DDTL: variants seen among roughly 807,000 people sequenced by gnomAD.
The protein encoded by DDTL is putative D-dopachrome decarboxylase-like protein.
DDTL carries 1 observed loss-of-function variant against 1.1 expected under a neutral mutation model. That is an observed-to-expected ratio of 0.91 (90% CI 0.32 to 4.31). The LOEUF (loss-of-function observed/expected upper bound fraction) is 4.31. Among genes scored for constraint, DDTL ranks in the 30% most tolerant of loss-of-function variants. DDTL has a pLI of 0.17. For missense variants in DDTL, 54 were observed against 48.9 expected (o/e 1.10, Z -0.31); for synonymous variants, 21 against 16.6 (o/e 1.26, Z -0.64).
In DDTL at chr22:23,971,598, C is replaced by T. The variant is rs2033903220; in HGVS notation, c.*192C>T. On this transcript the variant is annotated 3_prime_UTR_variant, in exon 3 of 3. Transcript: ENST00000215770. ...CCTATCTTGCCAATCTGCCAGGACT[C>T]CAAGGGGAAAAAGCGGATAAGTATC... 1.2e-6 allele frequency: 2 copies of T among 1,614,040 alleles called. No homozygotes were observed.
At chr22:23,969,718 C>T (rs1239188690) in intron 2 of DDTL, 2 of 966,194 alleles carry the variant, frequency 2.1e-6, no homozygotes, top group Admixed American at 1.3e-4. Flanking sequence ...ACATGGGAGG[C>T]TGAGGCAGAA....
rs2033910697 is a variant in DDTL, at chr22:23,971,838, A to T, written c.*432A>T. 1.7e-6 allele frequency: 1 copy of T among 578,170 alleles called. No individual in the cohort carries two copies. Among genetic ancestry groups the T allele is most frequent in the African/African-American group, 1.9e-5 (1 of 53,572 alleles). The allele number at this position is 578,170 out of a possible 1,614,324, so 35.8% of individuals were successfully genotyped here. On this transcript the variant is annotated 3_prime_UTR_variant, in exon 3 of 3. Transcript: ENST00000215770. ...GGGAGGTAGCCGCACATCATGACCC[A>T]GCTAGGACAGACACACAATACAGTA... is the stretch of plus-strand genomic sequence containing the variant.
At chr22:23,969,808 G>A (rs2033866128) in intron 2 of DDTL, 2 of 985,854 alleles carry the variant, frequency 2.0e-6, no homozygotes, top group Non-Finnish European at 2.4e-6. Flanking sequence ...GGCTGCCTTT[G>A]GATTGTTCCT....
chr22:23,969,357 A>C, intron 2 of DDTL: 1 of 985,494 alleles, frequency 1.0e-6, no homozygotes, highest in Non-Finnish European at 1.2e-6. Context: ...TGTCTGAGGT[A>C]CTGTGTCCTT....
chr22:23,971,228 G>C, intron 2 of DDTL, 58 bp from the exon 3 acceptor site: 3 of 1,552,736 alleles, frequency 1.9e-6, no homozygotes, highest in Non-Finnish European at 2.6e-6. Flanking sequence ...GGAGAGCAGA[G>C]CCTCCAGGCT....
At chr22:23,970,060 C>G (rs1352062154) in intron 2 of DDTL, among the ~76,000 whole-genome samples, 6 of 152,076 alleles carry the variant, frequency 3.9e-5, no homozygotes, top group South Asian at 2.1e-4. Flanking sequence ...GTGCTCTTGG[C>G]AGAGGGAAGG....
intron 2 of DDTL, chr22:23,969,211 G>A (rs1165950884): frequency 8.1e-6 from 8 of 985,298 alleles, no homozygotes; most frequent in Middle Eastern, 5.2e-4. Context: ...ATACTCCCCC[G>A]CCCTCAGCCA....
At chr22:23,971,124 G>A (rs2033892874) in intron 2 of DDTL, among the ~76,000 whole-genome samples, 162 bp from the exon 3 acceptor site, 1 of 152,178 alleles carries the variant, frequency 6.6e-6, no homozygotes, top group Non-Finnish European at 1.5e-5. Flanking sequence ...GTCCCATTTT[G>A]GGGCTGAGGA....
At chr22:23,970,490 A>G (rs564239014) in intron 2 of DDTL, among the ~76,000 whole-genome samples, 1 of 151,202 alleles carries the variant, frequency 6.6e-6, no homozygotes, top group African/African-American at 2.4e-5. Context: ...TGTGATGACT[A>G]TGAATGTCAG....
rs541378003 is a variant in DDTL, at chr22:23,969,456, A to C, written c.285-1830A>C. Reference sequence around the variant, plus strand: ...AGTGTGCAGCACACACGATGAGGCTACTGTGTTGAGTGTCTGTCCTAGGTG... The same window carrying C: ...AGTGTGCAGCACACACGATGAGGCTCCTGTGTTGAGTGTCTGTCCTAGGTG... On this transcript the variant is annotated intron_variant, in intron 2 of 2. Coordinates refer to ENST00000215770, the MANE Select transcript of DDTL (RefSeq NM_001084393.2). The C allele has an allele frequency of 1.5e-5, 15 of 986,242 alleles. No individual in the cohort carries two copies. The South Asian group carries it at 6.1e-4, about 40-fold the overall frequency. 61.1% of individuals were successfully genotyped at this position (986,242 alleles called of 1,614,324 possible).
Position 23,972,304 on chromosome 22 carries a change from T to G in DDTL, c.*898T>G, listed in dbSNP as rs2146210691. 1.2e-6 allele frequency: 1 copy of G among 824,576 alleles called. No homozygotes were observed. Among genetic ancestry groups the G allele is most frequent in the African/African-American group, 1.9e-5 (1 of 53,090 alleles). 51.1% of individuals were successfully genotyped at this position (824,576 alleles called of 1,614,324 possible). A position where few individuals can be genotyped will look rare whatever the true frequency, so the allele number is the denominator to read the frequency against. On this transcript the variant is annotated 3_prime_UTR_variant, in exon 3 of 3. Transcript: ENST00000215770. ...CACATGGTAAGTGTATAACACTTGT[T>G]GTTAGAGTAACAGTTTTCCCTGAGT...
In DDTL at chr22:23,971,383, G is replaced by A; in HGVS notation, c.382G>A (p.Ala128Thr). 1 of 1,613,934 alleles carries A rather than the reference G, an allele frequency of 6.2e-7. No homozygotes were observed. The highest frequency in any genetic ancestry group is 8.5e-7 in the Non-Finnish European group (1 of 1,179,930). Residue 128 changes from alanine (A) to threonine (T), a missense_variant, in exon 3 of 3, where the codon GCT becomes ACT. Physicochemically the swap from Ala to Thr is moderately conservative, Grantham distance 58 (BLOSUM62 0). Transcript: ENST00000215770. ...TAAGAAGTCATGTTTGAATGAGGAAGCTCTCTTCATTTATTTCATATGAGG... is the reference window on the plus strand; with the variant it reads ...TAAGAAGTCATGTTTGAATGAGGAAACTCTCTTCATTTATTTCATATGAGG... Reference protein sequence around the residue: ...EGKKSCLNEEALFIYFI With the variant: ...EGKKSCLNEETLFIYFI
chr22:23,969,193 G>C, intron 2 of DDTL: 1 of 985,424 alleles, frequency 1.0e-6, no homozygotes, highest in Non-Finnish European at 1.2e-6. Flanking sequence ...AGAAGACTAA[G>C]GCTCTTCATA....
In DDTL at chr22:23,971,542, C is replaced by T. The variant is rs770631714; in HGVS notation, c.*136C>T. 13 of 1,613,968 alleles carry T rather than the reference C, an allele frequency of 8.1e-6. No individual in the cohort carries two copies. The highest frequency in any genetic ancestry group is 1.6e-4 in the Middle Eastern group (1 of 6,062). ...AGTTCACAGATGCCCTGGATCCCTC[C>T]GTGCCCAATCATAAAAAAGTCATGA... On this transcript the variant is annotated 3_prime_UTR_variant, in exon 3 of 3. Transcript: ENST00000215770.
chr22:23,970,184 C>CTG lies in DDTL; in HGVS notation c.285-1101_285-1100insGT, dbSNP rs200454957. Among the ~76,000 whole-genome samples, 474 of 152,292 alleles carry CTG rather than the reference C, an allele frequency of 3.1e-3. 6 individuals carry two copies. The highest frequency in any genetic ancestry group is 0.031 in the East Asian group (160 of 5,184). On this transcript the variant is annotated intron_variant, in intron 2 of 2. Transcript: ENST00000215770. ...GGCGGAGGTGACACTGGGAAGGGAA[C>CTG]TAGCAAGGTGAGGACTGGCTTTTGG...
rs2033906522 is a variant in DDTL at position 23,971,656 on chromosome 22, T to A, written c.*250T>A. ...AGACAGAGAAAAAGATATCATCAGC[T>A]CCTTGGCTAATACCACATCTTGCAA... On this transcript the variant is annotated 3_prime_UTR_variant, in exon 3 of 3. Transcript: ENST00000215770. The A allele has an allele frequency of 6.3e-7, 1 of 1,593,914 alleles. No homozygotes were observed. Among genetic ancestry groups the A allele is most frequent in the Non-Finnish European group, 8.6e-7 (1 of 1,164,166 alleles).
rs1321630712 is a variant in DDTL at position 23,972,231 on chromosome 22, TA to T, written c.*827del. The T allele has an allele frequency of 2.1e-6, 2 of 953,988 alleles. No individual in the cohort carries two copies. The highest frequency in any genetic ancestry group is 2.5e-6 in the Non-Finnish European group (2 of 802,632). The allele number at this position is 953,988 out of a possible 1,614,324, so 59.1% of individuals were successfully genotyped here. A position where few individuals can be genotyped will look rare whatever the true frequency, so the allele number is the denominator to read the frequency against. ...GCAAAGGGAGAGTGGATAGGGATTG[TA>T]AGGATCAAATGGGATCATGAGTGTA... On this transcript the variant is annotated 3_prime_UTR_variant, in exon 3 of 3. Transcript: ENST00000215770.
At chr22:23,970,769 G>A (rs1601558088) in intron 2 of DDTL, among the ~76,000 whole-genome samples, 1 of 152,146 alleles carries the variant, frequency 6.6e-6, no homozygotes, top group Admixed American at 6.5e-5. Context: ...CAGGAGAGAA[G>A]ACACAGGAAG....
At chr22:23,971,065 CCCAG>C (rs1441591133) in intron 2 of DDTL, among the ~76,000 whole-genome samples, 1 of 152,198 alleles carries the variant, frequency 6.6e-6, no homozygotes, top group Non-Finnish European at 1.5e-5. Flanking sequence ...TGGCAGGCTG[CCCAG>C]CCAGTCATGG....
Sources: allele counts gnomAD v4.1 joint callset (sites outside exome capture counted in the v4.1 genomes callset), GRCh38; gene constraint gnomAD v4.1.1; transcripts MANE v1.5; gene names NCBI Gene and HGNC (gene_info 2026-07-23, HGNC 2026-07-21).